Variants in CACNA1G observed in about 807,000 individuals in gnomAD.
CACNA1G encodes calcium voltage-gated channel subunit alpha1 G.
In CACNA1G, 67 loss-of-function variants were observed where a neutral mutation model predicts 219.4. The ratio of observed to expected loss-of-function variants is 0.31; its 90% CI spans 0.25 to 0.37. The LOEUF is 0.37. CACNA1G is among the 10% of genes least tolerant of loss of function. The pLI is 1.00. For missense variants in CACNA1G, 2,380 were observed against 3,231.4 expected (o/e 0.74, Z 6.39); for synonymous variants, 1,296 against 1,345.3 (o/e 0.96, Z 0.80).
chr17:50,618,873 C>G lies in CACNA1G; in HGVS notation c.5646C>G (p.Pro1882=). ...ELEMKTLSPQ[P]HSPLGSPFLW... ...AGATGAAGACCCTCAGCCCCCAGCC[C>G]CACTCGCCACTGGGCAGCCCCTTCC... Residue 1882 remains proline (P), a synonymous_variant, in exon 33 of 38, where the codon CCC becomes CCG. Transcript: ENST00000359106. This position sits in a 1 kb window ranked among gnomAD's most constrained non-coding sequence, Gnocchi z 5.3. 1 of 1,612,710 alleles carries G rather than the reference C, an allele frequency of 6.2e-7. No individual in the cohort carries two copies. Among genetic ancestry groups the G allele is most frequent in the Non-Finnish European group, 8.5e-7 (1 of 1,179,664 alleles).
rs577680903 is a variant in CACNA1G at position 50,621,178 on chromosome 17, G to A, written c.5926-482G>A. Among the ~76,000 whole-genome samples the A allele has an allele frequency of 2.0e-5, 3 of 152,338 alleles. No homozygotes were observed. The highest frequency in any genetic ancestry group is 1.9e-4 in the East Asian group (1 of 5,186). ...CCGAGAGAATAGGCAGAAAACAGCC[G>A]TCAGATTGGTGGCATTGTCGCCGGC... is the stretch of plus-strand genomic sequence containing the variant. On this transcript the variant is annotated intron_variant, in intron 34 of 37. Transcript: ENST00000359106. The surrounding 1 kb of genome is among the most constrained non-coding windows in gnomAD (Gnocchi z 4.6).
At chr17:50,599,161 C>T (rs2046126188) in intron 16 of CACNA1G, among the ~76,000 whole-genome samples, 1 of 152,214 alleles carries the variant, frequency 6.6e-6, no homozygotes, top group African/African-American at 2.4e-5. Context: ...ACACTTCTCT[C>T]ACCAAATAAA....
chr17:50,568,313 C>T (rs1021779145), intron 1 of CACNA1G, among the ~76,000 whole-genome samples: 8 of 152,118 alleles, frequency 5.3e-5, no homozygotes, highest in Admixed American at 6.5e-5. Context: ...CACATGACTT[C>T]GGCATTTCTG....
chr17:50,605,822 G>A (rs2047843688), intron 22 of CACNA1G, 76 bp from the exon 23 acceptor site: 1 of 1,543,822 alleles, frequency 6.5e-7, no homozygotes, highest in South Asian at 1.1e-5. Flanking sequence ...AGGCTGGCGT[G>A]GGGGTGGGGC....
intron 8 of CACNA1G, among the ~76,000 whole-genome samples, chr17:50,576,924 T>C (rs1050969529): frequency 6.6e-6 from 1 of 152,214 alleles, no homozygotes; most frequent in African/African-American, 2.4e-5. Flanking sequence ...GTCTGATGGG[T>C]GACACTCCCA....
rs2045640226 is a variant in CACNA1G, at chr17:50,596,788, C to T, written c.3123C>T (p.Ile1041=). The T allele has an allele frequency of 1.2e-6, 2 of 1,611,434 alleles. No individual in the cohort carries two copies. Among genetic ancestry groups the T allele is most frequent in the Non-Finnish European group, 1.7e-6 (2 of 1,179,616 alleles). ...AGAGCCTGCTGCCGCCTCTCATCAT[C>T]CACACGGCCGCCACACCCATGTCGC... ...LRKSLLPPLI[I]HTAATPMSLP... is the part of the protein sequence containing the mutation. The change falls in exon 16 of 38, where the codon ATC becomes ATT. Residue 1041 remains isoleucine, a synonymous_variant. Coordinates refer to ENST00000359106, the MANE Select transcript of CACNA1G (RefSeq NM_018896.5). This position sits in a 1 kb window ranked among gnomAD's most constrained non-coding sequence, Gnocchi z 4.8.
At chr17:50,599,342 G>T in intron 16 of CACNA1G, 86 bp from the exon 17 acceptor site, 1 of 1,233,666 alleles carries the variant, frequency 8.1e-7, no homozygotes, top group Non-Finnish European at 1.1e-6. Context: ...TGTGATGCCA[G>T]TGAGGCTCCC....
At chr17:50,611,727 C>T (rs2146093402) in intron 26 of CACNA1G, among the ~76,000 whole-genome samples, 1 of 152,336 alleles carries the variant, frequency 6.6e-6, no homozygotes, top group East Asian at 1.9e-4. Flanking sequence ...CACACTTTCA[C>T]ACTCACCCCA....
intron 35 of CACNA1G, among the ~76,000 whole-genome samples, chr17:50,623,263 ATT>A (rs35058899): frequency 0.011 from 543 of 50,936 alleles, 7 homozygotes; most frequent in East Asian, 0.037. Flanking sequence ...TATCCAGCTA[ATT>A]TTTTTTTTTT....
chr17:50,584,782 A>G lies in CACNA1G; in HGVS notation c.2302-5689A>G, dbSNP rs543771401. On this transcript the variant is annotated intron_variant, in intron 9 of 37. Coordinates refer to ENST00000359106, the MANE Select transcript of CACNA1G (RefSeq NM_018896.5). ...GCCTGCAACGAGGGGCCAGGTGGGG[A>G]GTAGGGCTGGGGGCTGCAGAGTCCA... 1.7e-3 allele frequency among the ~76,000 whole-genome samples: 252 copies of G among 151,714 alleles called. 2 individuals are homozygous for G. Among genetic ancestry groups the G allele is most frequent in the African/African-American group, 5.9e-3 (245 of 41,374 alleles).
At position 50,573,114 on chromosome 17, in the gene CACNA1G, G is replaced by T. The variant is rs1458141628; in HGVS notation, c.1140+1G>T. The T allele has an allele frequency of 6.4e-7, 1 of 1,561,604 alleles. No individual in the cohort carries two copies. Among genetic ancestry groups the T allele is most frequent in the Non-Finnish European group, 8.7e-7 (1 of 1,150,664 alleles). The stretch of plus-strand genomic sequence containing the variant: ...CATCTACTTCATCCTCCTCATCATC[G>T]TGAGTGACTCCTCAGATCCCCGTGG... On this transcript the variant is annotated splice_donor_variant, in intron 7 of 37. Coordinates refer to ENST00000359106, the MANE Select transcript of CACNA1G (RefSeq NM_018896.5). LOFTEE classifies it high-confidence loss of function.
intron 1 of CACNA1G, chr17:50,563,621 C>T (rs1285540468): frequency 6.6e-6 from 1 of 152,252 alleles, no homozygotes; most frequent in Non-Finnish European, 1.5e-5. Flanking sequence ...AGGCAGACTC[C>T]TTCACTGAGT....
At position 50,561,389 on chromosome 17, in the gene CACNA1G, G is replaced by T. The variant is rs538372568; in HGVS notation, c.-71G>T. 2 of 1,530,324 alleles carry T rather than the reference G, an allele frequency of 1.3e-6. No homozygotes were observed. Among genetic ancestry groups the T allele is most frequent in the Non-Finnish European group, 1.7e-6 (2 of 1,144,384 alleles). 94.8% of individuals were successfully genotyped at this position (1,530,324 alleles called of 1,614,324 possible). On this transcript the variant is annotated 5_prime_UTR_variant, in exon 1 of 38. Transcript: ENST00000359106. Reference sequence around the variant, plus strand: ...GCCCCCGCCGGGGCCCCCGGGTTGCGTGAGGACACCTCCTCTGAGGGGCGC... The same window carrying T: ...GCCCCCGCCGGGGCCCCCGGGTTGCTTGAGGACACCTCCTCTGAGGGGCGC...
At chr17:50,612,584 GC>G (rs1168618613) in intron 26 of CACNA1G, among the ~76,000 whole-genome samples, 1 of 152,258 alleles carries the variant, frequency 6.6e-6, no homozygotes, top group African/African-American at 2.4e-5. Flanking sequence ...GCCGTGGGGG[GC>G]CTGTGTCCTT....
rs375464264 is a variant in CACNA1G, at chr17:50,618,738, G to A, written c.5511G>A (p.Thr1837=). 6.8e-6 allele frequency: 11 copies of A among 1,613,824 alleles called. No individual in the cohort carries two copies. The highest frequency in any genetic ancestry group is 1.7e-5 in the Admixed American group (1 of 60,000). ...SPIYFVSFVL[T]AQFVLVNVVI... is the part of the protein sequence containing the mutation. ...TCTACTTTGTGTCCTTCGTGCTGAC[G>A]GCCCAGTTCGTGCTAGTCAACGTGG... Residue 1837 remains threonine (T), a synonymous_variant, in exon 33 of 38, where the codon ACG becomes ACA. Transcript: ENST00000359106. This position sits in a 1 kb window ranked among gnomAD's most constrained non-coding sequence, Gnocchi z 5.3.
rs201568823 is a variant in CACNA1G, at chr17:50,600,763, G to A, written c.3728G>A (p.Arg1243Gln). The change falls in exon 18 of 38, where the codon CGA (arginine) becomes CAA (glutamine). Residue 1243 changes from arginine (R) to glutamine (Q), a missense_variant. Arg to Gln is a conservative substitution (Grantham distance 43). This residue lies in a region of CACNA1G where 418 missense variants were observed against 434.3 expected (regional missense o/e 0.96). Transcript: ENST00000359106. This position sits in a 1 kb window ranked among gnomAD's most constrained non-coding sequence, Gnocchi z 4.1. ...GERVRAWIRA[R>Q]LPACCLERDS... ...CGGGTCCGCGCGTGGATCCGAGCCC[G>A]ACTCCCTGCCTGCTGCCTCGAGCGA... 410 of 1,613,846 alleles carry A rather than the reference G, an allele frequency of 2.5e-4. 4 individuals carry two copies. The East Asian group carries it at 8.8e-3, about 35-fold the overall frequency.
intron 9 of CACNA1G, among the ~76,000 whole-genome samples, chr17:50,588,563 T>A (rs2043480596): frequency 6.6e-6 from 1 of 152,144 alleles, no homozygotes; most frequent in Admixed American, 6.5e-5. Flanking sequence ...CCGCCCCACC[T>A]CCTGTACTGT....
Position 50,615,465 on chromosome 17 carries a change from G to A in CACNA1G, c.4864G>A (p.Gly1622Arg), listed in dbSNP as rs1299615800. ...GGACCTCTTCATCACAGGTGTCATC[G>A]GGCTGAACGTGGTCACCATGGCCAT... ...YLDLFITGVI[G>R]LNVVTMAMEH... Residue 1622 changes from glycine to arginine, a missense_variant, in exon 27 of 38, where the codon GGG (glycine) becomes AGG (arginine). Transcript: ENST00000359106. 1 of 1,613,648 alleles carries A rather than the reference G, an allele frequency of 6.2e-7. No homozygotes were observed. Among genetic ancestry groups the A allele is most frequent in the Admixed American group, 1.7e-5 (1 of 60,008 alleles).
chr17:50,569,912 C>T lies in CACNA1G; in HGVS notation c.586+109C>T, dbSNP rs899088321. 4 of 806,472 alleles carry T rather than the reference C, an allele frequency of 5.0e-6. No homozygotes were observed. In the African/African-American group the frequency reaches 5.1e-5, roughly 10 times the overall value. 50.0% of individuals were successfully genotyped at this position (806,472 alleles called of 1,614,324 possible). ...TCCTCACCTGACCCCTCACAGGCCC[C>T]GTCAGAGAAGGGCTCAGTGGGGAGC... On this transcript the variant is annotated intron_variant, in intron 4 of 37. Coordinates refer to ENST00000359106, the MANE Select transcript of CACNA1G (RefSeq NM_018896.5).
Sources: gnomAD v4.1 joint callset for allele counts (sites outside exome capture counted in the v4.1 genomes callset) on GRCh38, gnomAD v4.1.1 for gene constraint, gnomAD v4.1.1 regional missense constraint, Gnocchi (gnomAD v3.1) non-coding constraint, MANE v1.5 for transcripts, NCBI Gene and HGNC (gene_info 2026-07-23, HGNC 2026-07-21) for gene names.